NOPCHAP1: variants seen among roughly 807,000 people sequenced by gnomAD.
NOPCHAP1 encodes the protein NOP protein chaperone 1.
Under a neutral mutation model 14.0 loss-of-function variants are expected in NOPCHAP1, and 13 were observed. The ratio of observed to expected loss-of-function variants is 0.93; its 90% confidence interval spans 0.60 to 1.47. The LOEUF (loss-of-function observed/expected upper bound fraction) is 1.47, where lower values mean the gene tolerates loss of function less well. Among genes scored for constraint, NOPCHAP1 ranks in the 40% most tolerant of loss-of-function variants. The probability of loss-of-function intolerance (pLI) is 0.00; values close to 1 mark genes in which losing one functional copy is unlikely to be tolerated. For synonymous variants in NOPCHAP1, 78 were observed against 78.4 expected (o/e 1.00, Z 0.03); for missense variants, 230 against 226.9 (o/e 1.01, Z -0.09).
intron 3 of NOPCHAP1, 83 bp from the exon 4 acceptor site, chr12:104,994,395 T>A (rs1248574715): frequency 8.2e-7 from 1 of 1,215,788 alleles, no homozygotes; most frequent in East Asian, 2.3e-5. Flanking sequence ...GTTTGCTGAA[T>A]GTTGGTTCTT....
At chr12:104,993,833 G>T (rs1873434554) in intron 3 of NOPCHAP1, among the ~76,000 whole-genome samples, 1 of 151,936 alleles carries the variant, frequency 6.6e-6, no homozygotes, top group Admixed American at 6.6e-5. Context: ...CAAAGCGAGG[G>T]GTTTGTTTTG....
Position 104,988,187 on chromosome 12 carries a change from A to G in NOPCHAP1, c.136A>G (p.Ile46Val), listed in dbSNP as rs1285075238. 6 of 1,612,504 alleles carry G rather than the reference A, an allele frequency of 3.7e-6. No homozygotes were observed. The highest frequency in any genetic ancestry group is 3.4e-6 in the Non-Finnish European group (4 of 1,179,030). ...GRGGIWDRLLINSQPKSRKTS... is the reference protein window; with the variant it reads ...GRGGIWDRLLVNSQPKSRKTS... ...TTCAGGTATATGGGACAGGTTGCTC[A>G]TCAACTCCCAACCTAAGTCCAGAAA... The change falls in exon 2 of 4, where the codon ATC (isoleucine) becomes GTC (valine). Residue 46 changes from isoleucine to valine, a missense_variant. Coordinates refer to ENST00000552951, the MANE Select transcript of NOPCHAP1 (RefSeq NM_152318.3).
At position 104,994,959 on chromosome 12, in the gene NOPCHAP1, T is replaced by A; in HGVS notation, c.*263T>A. ...TTATCAGCTGAACACAGAAGTAGAG[T>A]ACAGGAATAACTTGATGGGTTACAG... On this transcript the variant is annotated 3_prime_UTR_variant, in exon 4 of 4. Transcript: ENST00000552951. 1 of 414,666 alleles carries A rather than the reference T, an allele frequency of 2.4e-6. No homozygotes were observed. The highest frequency in any genetic ancestry group is 4.4e-6 in the Non-Finnish European group (1 of 227,638). The allele number at this position is 414,666 out of a possible 1,614,324, so 25.7% of individuals were successfully genotyped here. A position where few individuals can be genotyped will look rare whatever the true frequency, so the allele number is the denominator to read the frequency against.
In NOPCHAP1 at chr12:105,014,532, A is replaced by G. The variant is rs958059780; in HGVS notation, c.*19836A>G. On this transcript the variant is annotated 3_prime_UTR_variant, in exon 4 of 4. Transcript: ENST00000552951. ...TATTTAGCTATTCTCAAACATACCT[A>G]TTTTTATTTTAAGAATTCCTTTCTA... 2 of 152,126 alleles carry G rather than the reference A, an allele frequency of 1.3e-5. No individual in the cohort carries two copies. Among genetic ancestry groups the G allele is most frequent in the Non-Finnish European group, 2.9e-5 (2 of 68,020 alleles). The allele number at this position is 152,126 out of a possible 1,614,324, so 9.4% of individuals were successfully genotyped here.
intron 3 of NOPCHAP1, among the ~76,000 whole-genome samples, chr12:104,993,640 T>G (rs1302034303): frequency 6.6e-6 from 1 of 152,236 alleles, no homozygotes; most frequent in Non-Finnish European, 1.5e-5. Flanking sequence ...GTATGGGTGC[T>G]GAAATGAGAA....
At chr12:104,990,735 C>CT (rs1428127391) in intron 2 of NOPCHAP1, among the ~76,000 whole-genome samples, 1 of 152,174 alleles carries the variant, frequency 6.6e-6, no homozygotes, top group Non-Finnish European at 1.5e-5. Context: ...TATCACTCCT[C>CT]TTTTATGGAT....
rs1447642784 is a variant in NOPCHAP1, at chr12:104,997,507, T to G, written c.*2811T>G. The G allele has an allele frequency of 3.3e-5, 5 of 152,168 alleles. No homozygotes were observed. Among genetic ancestry groups the G allele is most frequent in the African/African-American group, 9.7e-5 (4 of 41,450 alleles). 9.4% of individuals were successfully genotyped at this position (152,168 alleles called of 1,614,324 possible). A position where few individuals can be genotyped will look rare whatever the true frequency, so the allele number is the denominator to read the frequency against. ...AAGTATAATAATAAAAATAAATAAA[T>G]AAAGAATGCTGAATATAGGCCCCCG... On this transcript the variant is annotated 3_prime_UTR_variant, in exon 4 of 4. Coordinates refer to ENST00000552951, the MANE Select transcript of NOPCHAP1 (RefSeq NM_152318.3).
rs1346161756 is a variant in NOPCHAP1 at position 105,001,452 on chromosome 12, T to TTA, written c.*6757_*6758dup. 3 of 152,212 alleles carry TTA rather than the reference T, an allele frequency of 2.0e-5. No homozygotes were observed. Among genetic ancestry groups the TTA allele is most frequent in the Admixed American group, 6.5e-5 (1 of 15,286 alleles). The allele number at this position is 152,212 out of a possible 1,614,324, so 9.4% of individuals were successfully genotyped here. ...AACCAAACATTAGTTATAAGCCATTTTAGCAATTTTAGAATAGTCATCCCA... is the reference window on the plus strand; with the variant it reads ...AACCAAACATTAGTTATAAGCCATTTTATAGCAATTTTAGAATAGTCATCCCA... On this transcript the variant is annotated 3_prime_UTR_variant, in exon 4 of 4. Transcript: ENST00000552951.
intron 2 of NOPCHAP1, among the ~76,000 whole-genome samples, chr12:104,988,776 A>C (rs963298224): frequency 1.3e-5 from 2 of 152,208 alleles, no homozygotes; most frequent in African/African-American, 2.4e-5. Flanking sequence ...TTCAATAAAA[A>C]CAATGTAAAT....
chr12:104,987,963 A>G (rs1873278339), intron 1 of NOPCHAP1, among the ~76,000 whole-genome samples: 1 of 152,180 alleles, frequency 6.6e-6, no homozygotes, highest in African/African-American at 2.4e-5. Context: ...GGTGAATGAG[A>G]CAGATGTAAG....
chr12:105,004,790 CTATG>C lies in NOPCHAP1; in HGVS notation c.*10098_*10101del, dbSNP rs1873674208. 1 of 152,158 alleles carries C rather than the reference CTATG, an allele frequency of 6.6e-6. No homozygotes were observed. Among genetic ancestry groups the C allele is most frequent in the Non-Finnish European group, 1.5e-5 (1 of 68,024 alleles). The allele number at this position is 152,158 out of a possible 1,614,324, so 9.4% of individuals were successfully genotyped here. ...GCTGACCCCCTTTGTGGTCAAAAAT[CTATG>C]TATAACTTTTGACTCCCTGAAAACT... On this transcript the variant is annotated 3_prime_UTR_variant, in exon 4 of 4. Coordinates refer to ENST00000552951, the MANE Select transcript of NOPCHAP1 (RefSeq NM_152318.3).
At chr12:104,988,513 A>G (rs1873297340) in intron 2 of NOPCHAP1, among the ~76,000 whole-genome samples, 2 of 152,212 alleles carry the variant, frequency 1.3e-5, no homozygotes, top group African/African-American at 4.8e-5. Flanking sequence ...GTTAATCTCC[A>G]TGGCAAATTT....
intron 2 of NOPCHAP1, among the ~76,000 whole-genome samples, chr12:104,989,152 G>A (rs969886345): frequency 2.0e-5 from 3 of 151,956 alleles, no homozygotes; most frequent in East Asian, 1.9e-4. Context: ...TAGTGGTATC[G>A]CGTTGTGATC....
rs1002233581 is a variant in NOPCHAP1 at position 105,014,101 on chromosome 12, A to G, written c.*19405A>G. 2 of 152,240 alleles carry G rather than the reference A, an allele frequency of 1.3e-5. No homozygotes were observed. The highest frequency in any genetic ancestry group is 4.8e-5 in the African/African-American group (2 of 41,464). The allele number at this position is 152,240 out of a possible 1,614,324, so 9.4% of individuals were successfully genotyped here. On this transcript the variant is annotated 3_prime_UTR_variant, in exon 4 of 4. Coordinates refer to ENST00000552951, the MANE Select transcript of NOPCHAP1 (RefSeq NM_152318.3). ...ATACTTGCAACACGAGCTCATCGCAATAGCAACAGGAGGTGACCACAAAGT... is the reference window on the plus strand; with the variant it reads ...ATACTTGCAACACGAGCTCATCGCAGTAGCAACAGGAGGTGACCACAAAGT...
rs1481863265 is a variant in NOPCHAP1 at position 105,006,991 on chromosome 12, C to G, written c.*12295C>G. On this transcript the variant is annotated 3_prime_UTR_variant, in exon 4 of 4. Transcript: ENST00000552951. ...GCACCTGGGAACTTGGCTGGTGCCT[C>G]TTGGTCAGCAGAAGCTGTTTCTTCT... is the stretch of plus-strand genomic sequence containing the variant. 4.1e-5 allele frequency: 6 copies of G among 147,828 alleles called. No homozygotes were observed. The highest frequency in any genetic ancestry group is 4.0e-4 in the Admixed American group (6 of 14,860). The allele number at this position is 147,828 out of a possible 1,614,324, so 9.2% of individuals were successfully genotyped here.
rs1873680829 is a variant in NOPCHAP1, at chr12:105,005,023, C to G, written c.*10327C>G. The G allele has an allele frequency of 6.6e-6, 1 of 152,142 alleles. No homozygotes were observed. The highest frequency in any genetic ancestry group is 2.1e-4 in the South Asian group (1 of 4,830). The allele number at this position is 152,142 out of a possible 1,614,324, so 9.4% of individuals were successfully genotyped here. ...GTGGATCATCATTAAAGACTTCATC[C>G]TCATTGTCTTCAGGTTGAGTAGGTT... On this transcript the variant is annotated 3_prime_UTR_variant, in exon 4 of 4. Coordinates refer to ENST00000552951, the MANE Select transcript of NOPCHAP1 (RefSeq NM_152318.3).
chr12:104,986,682 G>C (rs955616839), intron 1 of NOPCHAP1, among the ~76,000 whole-genome samples: 1 of 152,182 alleles, frequency 6.6e-6, no homozygotes, highest in Admixed American at 6.5e-5. Context: ...GGTTTCCCCA[G>C]CTAGTGGTTC....
intron 3 of NOPCHAP1, among the ~76,000 whole-genome samples, chr12:104,993,057 CCT>C (rs1190931160): frequency 6.6e-6 from 1 of 152,178 alleles, no homozygotes; most frequent in Non-Finnish European, 1.5e-5. Context: ...ATTTCGACTC[CCT>C]CTGTTTCTTT....
In NOPCHAP1 at chr12:105,010,721, A is replaced by T. The variant is rs1013344433; in HGVS notation, c.*16025A>T. 2.0e-5 allele frequency: 3 copies of T among 152,210 alleles called. No individual in the cohort carries two copies. The highest frequency in any genetic ancestry group is 7.2e-5 in the African/African-American group (3 of 41,460). 9.4% of individuals were successfully genotyped at this position (152,210 alleles called of 1,614,324 possible). ...AAATAATTTATTTATTTCTGCCTAA[A>T]CTTCGTTATTTACCCAGTAGTCATT... On this transcript the variant is annotated 3_prime_UTR_variant, in exon 4 of 4. Coordinates refer to ENST00000552951, the MANE Select transcript of NOPCHAP1 (RefSeq NM_152318.3).
Sources: gnomAD v4.1 joint callset for allele counts (sites outside exome capture counted in the v4.1 genomes callset) on GRCh38, gnomAD v4.1.1 for gene constraint, MANE v1.5 for transcripts, NCBI Gene and HGNC (gene_info 2026-07-23, HGNC 2026-07-21) for gene names.